Variants in FHIT observed in about 807,000 individuals in gnomAD.
The protein encoded by FHIT is bis(5'-adenosyl)-triphosphatase.
Under a neutral mutation model 17.9 loss-of-function variants are expected in FHIT, and 19 were observed. The ratio of observed to expected loss-of-function variants is 1.06; its 90% CI spans 0.74 to 1.56. The LOEUF (loss-of-function observed/expected upper bound fraction) is 1.56. Ranked by LOEUF, FHIT falls within the 40% of genes most tolerant of loss-of-function variation. The pLI is 0.00. For missense variants in FHIT, 248 were observed against 189.2 expected (o/e 1.31, Z -1.82); for synonymous variants, 81 against 69.7 (o/e 1.16, Z -0.81).
intron 5 of FHIT, among the ~76,000 whole-genome samples, chr3:60,106,365 T>A (rs1036113543): frequency 6.6e-6 from 1 of 152,182 alleles, no homozygotes; most frequent in Non-Finnish European, 1.5e-5. Flanking sequence ...AAATCTTCTA[T>A]CCATGAAACT....
chr3:61,065,493 C>T (rs1315280652), intron 2 of FHIT, among the ~76,000 whole-genome samples: 2 of 152,096 alleles, frequency 1.3e-5, no homozygotes, highest in African/African-American at 4.8e-5. Context: ...AAGGTCCAAT[C>T]CAAGAGAAAT....
chr3:60,966,984 C>T (rs954384913), intron 3 of FHIT, among the ~76,000 whole-genome samples: 1 of 152,148 alleles, frequency 6.6e-6, no homozygotes, highest in East Asian at 1.9e-4. Context: ...TGTCATGGTT[C>T]TTAATCATAT....
intron 2 of FHIT, among the ~76,000 whole-genome samples, chr3:61,196,929 A>G (rs879620022): frequency 6.6e-6 from 1 of 152,122 alleles, no homozygotes; most frequent in Non-Finnish European, 1.5e-5. Flanking sequence ...ATACAACAGA[A>G]AGCCAGCAAA....
intron 3 of FHIT, among the ~76,000 whole-genome samples, chr3:60,897,392 T>C (rs991413373): frequency 9.2e-5 from 14 of 152,234 alleles, no homozygotes; most frequent in Admixed American, 2.6e-4. Flanking sequence ...TAGCATTTTA[T>C]CAGAAATACA....
intron 5 of FHIT, among the ~76,000 whole-genome samples, chr3:60,307,648 T>C (rs1043749290): frequency 6.6e-6 from 1 of 152,160 alleles, no homozygotes; most frequent in Non-Finnish European, 1.5e-5. Context: ...ATGAGCTACA[T>C]TGCATTGTTG....
chr3:60,160,825 T>TGTGA (rs1553700622), intron 5 of FHIT, among the ~76,000 whole-genome samples: 16 of 124,960 alleles, frequency 1.3e-4, no homozygotes, highest in African/African-American at 1.7e-4. Flanking sequence ...TGTGTGAGTG[T>TGTGA]GACAGAGAGA....
intron 3 of FHIT, among the ~76,000 whole-genome samples, chr3:60,928,489 C>A (rs911449755): frequency 2.6e-5 from 4 of 151,312 alleles, no homozygotes; most frequent in Middle Eastern, 3.4e-3. Flanking sequence ...GCAGAGGCTG[C>A]AGCAAGCCAT....
At chr3:60,608,512 A>G (rs782750780) in intron 4 of FHIT, among the ~76,000 whole-genome samples, 33 of 152,186 alleles carry the variant, frequency 2.2e-4, no homozygotes, top group Non-Finnish European at 4.0e-4. Context: ...GGGGTGCTAC[A>G]TGGGTGCAGA....
chr3:60,296,710 C>A (rs1262344442), intron 5 of FHIT, among the ~76,000 whole-genome samples: 1 of 151,802 alleles, frequency 6.6e-6, no homozygotes, highest in Non-Finnish European at 1.5e-5. Flanking sequence ...ATGCCAAGTC[C>A]AAGAACCCTT....
At chr3:60,735,547 G>A (rs1005630945) in intron 4 of FHIT, among the ~76,000 whole-genome samples, 3 of 152,190 alleles carry the variant, frequency 2.0e-5, no homozygotes, top group Non-Finnish European at 4.4e-5. Flanking sequence ...CTGGCATTCT[G>A]AGCTGGTAAG....
At chr3:60,435,501 T>C (rs1173982340) in intron 5 of FHIT, among the ~76,000 whole-genome samples, 1 of 152,084 alleles carries the variant, frequency 6.6e-6, no homozygotes, top group Admixed American at 6.6e-5. Context: ...TGCTGAAATA[T>C]CAAAGTAAAC....
chr3:60,985,037 A>G (rs1710661087), intron 3 of FHIT, among the ~76,000 whole-genome samples: 1 of 152,116 alleles, frequency 6.6e-6, no homozygotes, highest in South Asian at 2.1e-4. Context: ...TTTGCCTTCT[A>G]AAGCCCACAT....
intron 2 of FHIT, among the ~76,000 whole-genome samples, chr3:61,056,417 A>G (rs2034224416): frequency 6.6e-6 from 1 of 152,226 alleles, no homozygotes; most frequent in Non-Finnish European, 1.5e-5. Flanking sequence ...TCCATTCTCA[A>G]TGCAGCTTAC....
intron 5 of FHIT, among the ~76,000 whole-genome samples, chr3:60,517,073 A>AATGC (rs1369170844): frequency 6.6e-6 from 1 of 152,222 alleles, no homozygotes; most frequent in Non-Finnish European, 1.5e-5. Context: ...TTGGCTATAA[A>AATGC]AACATGTCGA....
chr3:60,591,331 C>G (rs1268332136), intron 4 of FHIT, among the ~76,000 whole-genome samples: 2 of 152,030 alleles, frequency 1.3e-5, no homozygotes, highest in Non-Finnish European at 2.9e-5. Context: ...CTTCTCTTTA[C>G]TCAAAAATTT....
At chr3:60,105,154 C>T (rs9881133) in intron 5 of FHIT, among the ~76,000 whole-genome samples, 4,711 of 152,116 alleles carry the variant, frequency 0.031, 226 homozygotes, top group African/African-American at 0.11. Context: ...TGTTTGGATA[C>T]AAAACTCTCC....
intron 2 of FHIT, among the ~76,000 whole-genome samples, chr3:61,059,752 G>A (rs917595481): frequency 8.5e-5 from 13 of 152,264 alleles, no homozygotes; most frequent in African/African-American, 2.4e-4. Flanking sequence ...GGTCCTCAAC[G>A]TCGTTCTTGC....
At chr3:60,387,490 G>C (rs1188289130) in intron 5 of FHIT, among the ~76,000 whole-genome samples, 10 of 152,168 alleles carry the variant, frequency 6.6e-5, no homozygotes, top group Non-Finnish European at 1.3e-4. Flanking sequence ...GACATGTACA[G>C]GTGGGATTAC....
chr3:60,943,057 T>C (rs1553774928), intron 3 of FHIT, among the ~76,000 whole-genome samples: 1 of 152,186 alleles, frequency 6.6e-6, no homozygotes, highest in Non-Finnish European at 1.5e-5. Flanking sequence ...ATTAAGACTT[T>C]CTATGTGTGT....
Sources: allele counts gnomAD v4.1 joint callset (sites outside exome capture counted in the v4.1 genomes callset), GRCh38; gene constraint gnomAD v4.1.1; transcripts MANE v1.5; gene names NCBI Gene and HGNC (gene_info 2026-07-23, HGNC 2026-07-21).